NEDD4L: variants seen among roughly 807,000 people sequenced by gnomAD.
NEDD4L encodes NEDD4 like E3 ubiquitin protein ligase.
Under a neutral mutation model 148.9 loss-of-function variants are expected in NEDD4L, and 54 were observed. That is an observed-to-expected ratio of 0.36 (90% CI 0.29 to 0.45). The LOEUF (loss-of-function observed/expected upper bound fraction) is 0.45. Among genes scored for constraint, NEDD4L ranks in the 20% least tolerant of loss-of-function variants. The probability of loss-of-function intolerance (pLI) is 1.00; values close to 1 mark genes in which losing one functional copy is unlikely to be tolerated. For missense variants in NEDD4L, 856 were observed against 1,233.8 expected (o/e 0.69, Z 4.59); for synonymous variants, 433 against 440.7 (o/e 0.98, Z 0.22).
At position 58,396,550 on chromosome 18, in the gene NEDD4L, C is replaced by T. The variant is rs2050503423; in HGVS notation, c.*281C>T. 1 of 264,382 alleles carries T rather than the reference C, an allele frequency of 3.8e-6. No individual in the cohort carries two copies. The highest frequency in any genetic ancestry group is 7.3e-6 in the Non-Finnish European group (1 of 136,972). 16.4% of individuals were successfully genotyped at this position (264,382 alleles called of 1,614,324 possible). A position where few individuals can be genotyped will look rare whatever the true frequency, so the allele number is the denominator to read the frequency against. On this transcript the variant is annotated 3_prime_UTR_variant, in exon 31 of 31. Coordinates refer to ENST00000400345, the MANE Select transcript of NEDD4L (RefSeq NM_001144967.3). ...TATGTTGTGCCTCTGCAGGCAAAGC[C>T]CTTAATAAATATTTTACATCCTTTC...
chr18:58,094,164 A>AC (rs964294179), intron 1 of NEDD4L, among the ~76,000 whole-genome samples: 1 of 135,506 alleles, frequency 7.4e-6, no homozygotes, highest in African/African-American at 2.7e-5. Flanking sequence ...GGACTCCTGC[A>AC]CCCCCTTTTT....
In NEDD4L at chr18:58,256,528, C is replaced by T. The variant is rs2048593646; in HGVS notation, c.297+4474C>T. 1.6e-6 allele frequency: 2 copies of T among 1,232,300 alleles called. No homozygotes were observed. The highest frequency in any genetic ancestry group is 3.2e-5 in the East Asian group (1 of 31,696). 76.3% of individuals were successfully genotyped at this position (1,232,300 alleles called of 1,614,324 possible). ...CGCAGCCCCGAAGCGAGCGAGGGAG[C>T]CCCACGGAAGATCGGGGAGCCCTGG... On this transcript the variant is annotated intron_variant, in intron 5 of 30. Transcript: ENST00000400345. This position sits in a 1 kb window ranked among gnomAD's most constrained non-coding sequence, Gnocchi z 5.2.
chr18:58,377,244 C>T (rs1282447585), intron 24 of NEDD4L, among the ~76,000 whole-genome samples: 1 of 152,156 alleles, frequency 6.6e-6, no homozygotes, highest in Non-Finnish European at 1.5e-5. Flanking sequence ...CCTCTTTGGC[C>T]CTCTGCAAAA....
At chr18:58,167,613 A>T (rs1261791965) in intron 2 of NEDD4L, among the ~76,000 whole-genome samples, 1 of 152,198 alleles carries the variant, frequency 6.6e-6, no homozygotes, top group African/African-American at 2.4e-5. Context: ...GTGGTTTCCT[A>T]GTATTTCTTT....
chr18:58,083,544 C>T (rs1599147622), intron 1 of NEDD4L, among the ~76,000 whole-genome samples: 1 of 151,892 alleles, frequency 6.6e-6, no homozygotes, highest in South Asian at 2.1e-4. Context: ...AAAAATTAGC[C>T]GGGCGTGGTG....
Position 58,056,907 on chromosome 18 carries a change from T to TTTTTTTG in NEDD4L, c.48+12202_48+12203insTTTGTTT, listed in dbSNP as rs1555677525. On this transcript the variant is annotated intron_variant, in intron 1 of 30. Coordinates refer to ENST00000400345, the MANE Select transcript of NEDD4L (RefSeq NM_001144967.3). ...GAGCTATGCCCTCTTTTTTTTTTTT[T>TTTTTTTG]TTTGTTTGTTTGTTTATAACTGTGT... Among the ~76,000 whole-genome samples the TTTTTTTG allele has an allele frequency of 5.4e-5, 8 of 148,162 alleles. No homozygotes were observed. The East Asian group carries it at 1.4e-3, about 26-fold the overall frequency.
chr18:58,235,033 A>G (rs981485294), intron 2 of NEDD4L, among the ~76,000 whole-genome samples: 1 of 135,124 alleles, frequency 7.4e-6, no homozygotes, highest in African/African-American at 2.8e-5. Flanking sequence ...TACTTCTGGC[A>G]CCGTTGTTAC....
At chr18:58,075,981 A>G (rs930658042) in intron 1 of NEDD4L, among the ~76,000 whole-genome samples, 14 of 152,196 alleles carry the variant, frequency 9.2e-5, no homozygotes, top group African/African-American at 3.4e-4. Context: ...CGGTTTAGCA[A>G]TACAAAGTGA....
At chr18:58,069,173 A>G (rs551754078) in intron 1 of NEDD4L, among the ~76,000 whole-genome samples, 29 of 151,114 alleles carry the variant, frequency 1.9e-4, no homozygotes, top group African/African-American at 7.0e-4. Flanking sequence ...GAAAGAAAAT[A>G]TATGTTCCCC....
intron 24 of NEDD4L, among the ~76,000 whole-genome samples, chr18:58,379,533 G>T (rs2048048476): frequency 6.6e-6 from 1 of 152,192 alleles, no homozygotes; most frequent in South Asian, 2.1e-4. Flanking sequence ...AGGAATGAAG[G>T]CCCGCAGGGA....
intron 1 of NEDD4L, among the ~76,000 whole-genome samples, chr18:58,120,275 G>A (rs1467870154): frequency 6.6e-6 from 1 of 152,204 alleles, no homozygotes; most frequent in Non-Finnish European, 1.5e-5. Context: ...GCCTTCTGAT[G>A]TCAGCCAAGA....
chr18:58,143,987 G>C (rs1030113739), intron 1 of NEDD4L, among the ~76,000 whole-genome samples: 4 of 152,060 alleles, frequency 2.6e-5, no homozygotes, highest in African/African-American at 9.7e-5. Context: ...ACAGCAGGTG[G>C]TTCAGTTAGT....
Position 58,053,766 on chromosome 18 carries a change from GTAATAC to G in NEDD4L, c.48+9060_48+9065del, listed in dbSNP as rs1317171651. On this transcript the variant is annotated intron_variant, in intron 1 of 30. Coordinates refer to ENST00000400345, the MANE Select transcript of NEDD4L (RefSeq NM_001144967.3). ...ATTGTGGGTAAATGCTGAGATTGTT[GTAATAC>G]TGAGAAGTGCACTTGGGAACCATGG... is the stretch of plus-strand genomic sequence containing the variant. Among the ~76,000 whole-genome samples the G allele has an allele frequency of 1.8e-4, 28 of 152,352 alleles. No individual in the cohort carries two copies. In the East Asian group the frequency reaches 5.2e-3, roughly 28 times the overall value.
intron 24 of NEDD4L, among the ~76,000 whole-genome samples, chr18:58,381,507 A>G (rs2048327583): frequency 6.6e-6 from 1 of 152,204 alleles, no homozygotes; most frequent in Admixed American, 6.5e-5. Flanking sequence ...GTGGATGCTT[A>G]TCTACTTGAC....
intron 2 of NEDD4L, among the ~76,000 whole-genome samples, chr18:58,235,068 T>C (rs549456327): frequency 6.6e-6 from 1 of 151,818 alleles, no homozygotes; most frequent in East Asian, 1.9e-4. Flanking sequence ...GCCCAGAATG[T>C]TCCCAGGTGT....
chr18:58,165,221 A>G (rs750910979), intron 1 of NEDD4L, among the ~76,000 whole-genome samples: 2 of 152,220 alleles, frequency 1.3e-5, no homozygotes, highest in Non-Finnish European at 2.9e-5. Flanking sequence ...ACAAATGAAC[A>G]GTTGATTGAT....
chr18:58,069,564 T>TA (rs1568171116), intron 1 of NEDD4L, among the ~76,000 whole-genome samples: 1 of 152,156 alleles, frequency 6.6e-6, no homozygotes, highest in South Asian at 2.1e-4. Flanking sequence ...CTTCTGTTGT[T>TA]AAAAAAGCAG....
At chr18:58,077,223 G>C (rs1393450980) in intron 1 of NEDD4L, among the ~76,000 whole-genome samples, 2 of 131,508 alleles carry the variant, frequency 1.5e-5, no homozygotes, top group Non-Finnish European at 3.1e-5. Flanking sequence ...ACTCAGTTTG[G>C]AGTGCAGTGG....
intron 6 of NEDD4L, among the ~76,000 whole-genome samples, chr18:58,321,927 G>A (rs1404034346): frequency 1.3e-5 from 2 of 152,148 alleles, no homozygotes; most frequent in Admixed American, 6.5e-5. Flanking sequence ...AAGGTTGATC[G>A]GTGCTGCTTC....
Sources: allele counts gnomAD v4.1 joint callset (sites outside exome capture counted in the v4.1 genomes callset), GRCh38; gene constraint gnomAD v4.1.1; non-coding constraint Gnocchi (gnomAD v3.1); transcripts MANE v1.5; gene names NCBI Gene and HGNC (gene_info 2026-07-23, HGNC 2026-07-21).